Variants in LNX2 observed in about 807,000 individuals in gnomAD.
LNX2 encodes the protein ligand of Numb protein X 2.
In LNX2, 35 loss-of-function variants were observed where a neutral mutation model predicts 66.2. The observed-to-expected ratio is 0.53, with a 90% CI of 0.40 to 0.70. The LOEUF (loss-of-function observed/expected upper bound fraction) is 0.70, where lower values mean the gene tolerates loss of function less well. Ranked by LOEUF, LNX2 falls within the 30% of genes least tolerant of loss-of-function variation. The probability of loss-of-function intolerance (pLI) is 0.00; values close to 1 mark genes in which losing one functional copy is unlikely to be tolerated. For synonymous variants in LNX2, 337 were observed against 315.6 expected, an observed-to-expected ratio of 1.07 and a Z score of -0.72; for missense variants, 791 against 850.8, an observed-to-expected ratio of 0.93 and a Z score of 0.87.
chr13:27,610,507 T>TG (rs1955760821), intron 1 of LNX2, among the ~76,000 whole-genome samples: 1 of 152,152 alleles, frequency 6.6e-6, no homozygotes, highest in African/African-American at 2.4e-5. Context: ...TGCCTCAAAA[T>TG]GGACTAAAAA....
intron 1 of LNX2, among the ~76,000 whole-genome samples, chr13:27,592,406 G>C (rs1440585977): frequency 6.6e-6 from 1 of 152,214 alleles, no homozygotes; most frequent in Non-Finnish European, 1.5e-5. Context: ...CAACTGGAAA[G>C]ATGGGGTTAG....
At chr13:27,574,702 T>C (rs1213485671) in intron 2 of LNX2, among the ~76,000 whole-genome samples, 2 of 152,158 alleles carry the variant, frequency 1.3e-5, no homozygotes, top group South Asian at 2.1e-4. Context: ...TATCTACACA[T>C]CCAAGAAGCT....
chr13:27,581,169 C>T, intron 2 of LNX2, 128 bp downstream of exon 2: 1 of 611,292 alleles, frequency 1.6e-6, no homozygotes, highest in Non-Finnish European at 2.6e-6. Context: ...TATTGTATCT[C>T]TTCTGTACTT....
At chr13:27,582,041 G>C (rs777520140) in intron 1 of LNX2, among the ~76,000 whole-genome samples, 1 of 151,846 alleles carries the variant, frequency 6.6e-6, no homozygotes, top group Non-Finnish European at 1.5e-5. Context: ...TTATTTATTT[G>C]CTTTTTGAGT....
intron 1 of LNX2, among the ~76,000 whole-genome samples, chr13:27,587,755 C>T (rs991878053): frequency 1.3e-5 from 2 of 151,854 alleles, no homozygotes; most frequent in Non-Finnish European, 2.9e-5. Flanking sequence ...GGCGCGGTGG[C>T]TCACGCCTGT....
At chr13:27,599,857 T>C (rs74624407) in intron 1 of LNX2, among the ~76,000 whole-genome samples, 6,700 of 152,250 alleles carry the variant, frequency 0.044, 210 homozygotes, top group Non-Finnish European at 0.067. Context: ...CTTGTGGGTC[T>C]TGGTTAACAA....
In LNX2 at chr13:27,620,425, C is replaced by G. The variant is rs953424749; in HGVS notation, c.-151G>C. On this transcript the variant is annotated 5_prime_UTR_variant, in exon 1 of 10. Transcript: ENST00000316334. The stretch of plus-strand genomic sequence containing the variant: ...CGCACGGGCTCCTGGCGCCGCTGCT[C>G]GGCACCAGCTCCCGCTCTCCGCGGC... 2.0e-5 allele frequency: 3 copies of G among 153,774 alleles called. No individual in the cohort carries two copies. Among genetic ancestry groups the G allele is most frequent in the Non-Finnish European group, 4.4e-5 (3 of 68,808 alleles). 9.5% of individuals were successfully genotyped at this position (153,774 alleles called of 1,614,324 possible).
intron 1 of LNX2, among the ~76,000 whole-genome samples, chr13:27,613,857 G>C (rs764567937): frequency 1.3e-5 from 2 of 152,240 alleles, no homozygotes; most frequent in Non-Finnish European, 2.9e-5. Context: ...TGTCTTTTAA[G>C]ATTTTAAATA....
rs1307089890 is a variant in LNX2, at chr13:27,546,539, T to C, written c.*1796A>G. The C allele has an allele frequency of 6.6e-6, 1 of 152,222 alleles. No individual in the cohort carries two copies. Among genetic ancestry groups the C allele is most frequent in the African/African-American group, 2.4e-5 (1 of 41,458 alleles). The allele number at this position is 152,222 out of a possible 1,614,324, so 9.4% of individuals were successfully genotyped here. ...TTGAACAAGTCAGTAGCAATGATTG[T>C]TGCTGTATCTTATTCCAAATAGATA... On this transcript the variant is annotated 3_prime_UTR_variant, in exon 10 of 10. Coordinates refer to ENST00000316334, the MANE Select transcript of LNX2 (RefSeq NM_153371.4).
intron 2 of LNX2, among the ~76,000 whole-genome samples, chr13:27,570,864 C>T (rs998557525): frequency 6.6e-6 from 1 of 152,152 alleles, no homozygotes; most frequent in African/African-American, 2.4e-5. Flanking sequence ...AGATTATGTA[C>T]ACCTGGGAAT....
At chr13:27,619,582 T>C (rs1955869188) in intron 1 of LNX2, among the ~76,000 whole-genome samples, 1 of 152,248 alleles carries the variant, frequency 6.6e-6, no homozygotes, top group Non-Finnish European at 1.5e-5. Context: ...TTCTGATTTC[T>C]GTGATTTTAA....
At chr13:27,549,530 GGT>G (rs1954981937) in intron 9 of LNX2, among the ~76,000 whole-genome samples, 1 of 152,138 alleles carries the variant, frequency 6.6e-6, no homozygotes, top group Non-Finnish European at 1.5e-5. Flanking sequence ...GATAGTCCTG[GGT>G]TTGAATGCCA....
At chr13:27,589,511 A>C (rs1254031723) in intron 1 of LNX2, among the ~76,000 whole-genome samples, 10 of 152,150 alleles carry the variant, frequency 6.6e-5, no homozygotes, top group Non-Finnish European at 1.0e-4. Flanking sequence ...TAATCTTTTA[A>C]ATATTCTATA....
intron 6 of LNX2, among the ~76,000 whole-genome samples, chr13:27,558,786 A>G (rs956671283): frequency 3.3e-5 from 5 of 152,230 alleles, no homozygotes; most frequent in African/African-American, 9.6e-5. Flanking sequence ...TCTTTTTAGT[A>G]TTAACTAAAT....
chr13:27,583,251 T>TGCGC (rs1955437624), intron 1 of LNX2, among the ~76,000 whole-genome samples: 3 of 46,622 alleles, frequency 6.4e-5, no homozygotes, highest in African/African-American at 1.4e-4. Flanking sequence ...TGTGTGTGTG[T>TGCGC]GTGTGCGCGC....
At chr13:27,582,137 C>T (rs184404069) in intron 1 of LNX2, among the ~76,000 whole-genome samples, 20 of 152,264 alleles carry the variant, frequency 1.3e-4, no homozygotes, top group Non-Finnish European at 5.9e-5. Context: ...TCAAGTGACT[C>T]TCCCATCTCA....
chr13:27,570,698 T>G (rs560445279), intron 2 of LNX2, among the ~76,000 whole-genome samples: 5 of 152,270 alleles, frequency 3.3e-5, no homozygotes, highest in Admixed American at 2.0e-4. Flanking sequence ...CAAAAAAAAG[T>G]TGAGGCTAAA....
intron 6 of LNX2, among the ~76,000 whole-genome samples, chr13:27,558,422 A>G (rs1955089443): frequency 6.6e-6 from 1 of 152,098 alleles, no homozygotes; most frequent in Admixed American, 6.6e-5. Flanking sequence ...AGAAAAATAC[A>G]TGTGCCCACA....
At chr13:27,602,544 T>TATAC (rs3049480) in intron 1 of LNX2, among the ~76,000 whole-genome samples, 16 of 151,710 alleles carry the variant, frequency 1.1e-4, no homozygotes, top group Non-Finnish European at 2.2e-4. Context: ...GTGGTATATA[T>TATAC]CAGTAGTCTG....
Sources: allele counts gnomAD v4.1 joint callset (sites outside exome capture counted in the v4.1 genomes callset), GRCh38; gene constraint gnomAD v4.1.1; transcripts MANE v1.5; gene names NCBI Gene and HGNC (gene_info 2026-07-23, HGNC 2026-07-21).